The following KCNJ6 variants were observed in gnomAD, a reference collection of about 807,000 sequenced individuals.
KCNJ6 encodes potassium inwardly rectifying channel subfamily J member 6.
In KCNJ6, 9 loss-of-function variants were observed where a neutral mutation model predicts 34.2. The ratio of observed to expected loss-of-function variants is 0.26; its 90% confidence interval spans 0.16 to 0.46. The LOEUF (loss-of-function observed/expected upper bound fraction) is 0.46, where lower values mean the gene tolerates loss of function less well. Among genes scored for constraint, KCNJ6 ranks in the 20% least tolerant of loss-of-function variants. The probability of loss-of-function intolerance (pLI) is 1.00; values close to 1 mark genes in which losing one functional copy is unlikely to be tolerated. For missense variants in KCNJ6, 236 were observed against 531.3 expected (o/e 0.44, Z 5.46); for synonymous variants, 196 against 207.1 (o/e 0.95, Z 0.46).
intron 1 of KCNJ6, among the ~76,000 whole-genome samples, chr21:37,874,743 T>C (rs2055669371): frequency 6.6e-6 from 1 of 152,156 alleles, no homozygotes; most frequent in African/African-American, 2.4e-5. Flanking sequence ...TGCTCAGGCC[T>C]CAACCTTAGA....
chr21:37,654,333 G>A (rs1354365092), intron 3 of KCNJ6, among the ~76,000 whole-genome samples: 1 of 151,736 alleles, frequency 6.6e-6, no homozygotes, highest in African/African-American at 2.4e-5. Flanking sequence ...ACAAATGGAA[G>A]CGTCTGTCAG....
At chr21:37,636,802 A>G (rs2054359968) in intron 3 of KCNJ6, among the ~76,000 whole-genome samples, 1 of 152,232 alleles carries the variant, frequency 6.6e-6, no homozygotes, top group African/African-American at 2.4e-5. Flanking sequence ...GAATACCAAT[A>G]TGATGAAAGT....
chr21:37,787,221 G>A (rs2123518360), intron 2 of KCNJ6, among the ~76,000 whole-genome samples: 1 of 152,318 alleles, frequency 6.6e-6, no homozygotes, highest in South Asian at 2.1e-4. Flanking sequence ...CATAGTCTGT[G>A]AAACTGATTG....
Position 37,607,993 on chromosome 21 carries a change from C to T in KCNJ6, c.*17166G>A, listed in dbSNP as rs566373989. 20 of 152,140 alleles carry T rather than the reference C, an allele frequency of 1.3e-4. No individual in the cohort carries two copies. Among genetic ancestry groups the T allele is most frequent in the Non-Finnish European group, 2.2e-4 (15 of 68,040 alleles). The allele number at this position is 152,140 out of a possible 1,614,324, so 9.4% of individuals were successfully genotyped here. A position where few individuals can be genotyped will look rare whatever the true frequency, so the allele number is the denominator to read the frequency against. ...TATTCTGCTTTTTGCTGAATCATTT[C>T]AAAGTGCTTGACAGTTGTGTAAAGA... On this transcript the variant is annotated 3_prime_UTR_variant, in exon 4 of 4. Transcript: ENST00000609713.
intron 3 of KCNJ6, among the ~76,000 whole-genome samples, chr21:37,641,712 A>AG (rs34401115): frequency 1 from 152,038 of 152,040 alleles, 76,018 homozygotes; most frequent in Non-Finnish European, 1. Flanking sequence ...GGGGATGGGC[A>AG]GGGGAGCTTT....
intron 3 of KCNJ6, among the ~76,000 whole-genome samples, chr21:37,671,758 G>T (rs1442004163): frequency 6.6e-6 from 1 of 152,244 alleles, no homozygotes; most frequent in East Asian, 1.9e-4. Context: ...AGAATGACCT[G>T]CAGCACTGGT....
At chr21:37,655,137 C>T (rs2054451783) in intron 3 of KCNJ6, among the ~76,000 whole-genome samples, 1 of 150,652 alleles carries the variant, frequency 6.6e-6, no homozygotes, top group African/African-American at 2.5e-5. Context: ...CAAGCTAGTC[C>T]TGCCATGGTC....
chr21:37,694,875 G>T (rs932743458), intron 3 of KCNJ6, among the ~76,000 whole-genome samples: 1 of 152,180 alleles, frequency 6.6e-6, no homozygotes, highest in East Asian at 1.9e-4. Flanking sequence ...CTCTGTGCCT[G>T]CACAGAGGAA....
chr21:37,614,452 G>GTGTCTGTGTCTGTGTGTGTGTGTATGCA lies in KCNJ6; in HGVS notation c.*10706_*10707insTGCATACACACACACACAGACACAGACA, dbSNP rs1569429167. The GTGTCTGTGTCTGTGTGTGTGTGTATGCA allele has an allele frequency of 5.2e-5, 7 of 134,836 alleles. No homozygotes were observed. The highest frequency in any genetic ancestry group is 2.0e-4 in the African/African-American group (7 of 35,248). The allele number at this position is 134,836 out of a possible 1,614,324, so 8.4% of individuals were successfully genotyped here. A position where few individuals can be genotyped will look rare whatever the true frequency, so the allele number is the denominator to read the frequency against. ...TGCGTGTATCTCTGTGTGTATGCAT[G>GTGTCTGTGTCTGTGTGTGTGTGTATGCA]TGTCTGTGTCTGCGTGTGTGTGTAT... On this transcript the variant is annotated 3_prime_UTR_variant, in exon 4 of 4. Transcript: ENST00000609713.
chr21:37,672,990 G>A (rs1447938223), intron 3 of KCNJ6, among the ~76,000 whole-genome samples: 1 of 152,158 alleles, frequency 6.6e-6, no homozygotes, highest in Non-Finnish European at 1.5e-5. Flanking sequence ...CATTGTCCAG[G>A]CCAGATTTTT....
At chr21:37,822,403 A>G (rs1331948773) in intron 2 of KCNJ6, among the ~76,000 whole-genome samples, 2 of 151,756 alleles carry the variant, frequency 1.3e-5, no homozygotes, top group Non-Finnish European at 2.9e-5. Context: ...TTTTCCCCCA[A>G]CACCAGACAG....
At chr21:37,828,067 T>A (rs970368018) in intron 2 of KCNJ6, among the ~76,000 whole-genome samples, 2 of 152,212 alleles carry the variant, frequency 1.3e-5, no homozygotes, top group African/African-American at 4.8e-5. Context: ...CACTACACCC[T>A]CTGTGGACGG....
At position 37,607,940 on chromosome 21, in the gene KCNJ6, A is replaced by G. The variant is rs141038190; in HGVS notation, c.*17219T>C. 2.3e-4 allele frequency: 35 copies of G among 152,338 alleles called. No individual in the cohort carries two copies. The highest frequency in any genetic ancestry group is 6.7e-4 in the African/African-American group (28 of 41,574). 9.4% of individuals were successfully genotyped at this position (152,338 alleles called of 1,614,324 possible). ...GCTGGACACATGATGGTTTACAACT[A>G]CATGCTATTGAAATTCCACTAGTGA... On this transcript the variant is annotated 3_prime_UTR_variant, in exon 4 of 4. Transcript: ENST00000609713.
chr21:37,905,048 C>T (rs571254369), intron 1 of KCNJ6, among the ~76,000 whole-genome samples: 11 of 152,332 alleles, frequency 7.2e-5, no homozygotes, highest in South Asian at 2.1e-4. Flanking sequence ...ACTGCAGCCA[C>T]GTGCGCTCCC....
In KCNJ6 at chr21:37,617,749, C is replaced by T. The variant is rs957344658; in HGVS notation, c.*7410G>A. 6.6e-6 allele frequency: 1 copy of T among 152,216 alleles called. No homozygotes were observed. The highest frequency in any genetic ancestry group is 1.5e-5 in the Non-Finnish European group (1 of 68,050). 9.4% of individuals were successfully genotyped at this position (152,216 alleles called of 1,614,324 possible). A position where few individuals can be genotyped will look rare whatever the true frequency, so the allele number is the denominator to read the frequency against. On this transcript the variant is annotated 3_prime_UTR_variant, in exon 4 of 4. Coordinates refer to ENST00000609713, the MANE Select transcript of KCNJ6 (RefSeq NM_002240.5). ...TGAAAAAGAAAAGCACTGAGATCAT[C>T]ACCATGAGAAAATCAGAACTTTTGG...
At chr21:37,845,402 G>A (rs919441174) in intron 1 of KCNJ6, among the ~76,000 whole-genome samples, 4 of 152,072 alleles carry the variant, frequency 2.6e-5, no homozygotes, top group South Asian at 4.2e-4. Context: ...CGGGGAGAGA[G>A]AGAAAGAGAG....
At chr21:37,646,275 G>A (rs2054403921) in intron 3 of KCNJ6, among the ~76,000 whole-genome samples, 1 of 152,030 alleles carries the variant, frequency 6.6e-6, no homozygotes, top group East Asian at 1.9e-4. Flanking sequence ...ACTTGGTGTG[G>A]CAAAATAAAC....
chr21:37,671,569 T>C (rs1263535733), intron 3 of KCNJ6, among the ~76,000 whole-genome samples: 1 of 152,250 alleles, frequency 6.6e-6, no homozygotes, highest in African/African-American at 2.4e-5. Flanking sequence ...TTGCGGGAAC[T>C]CCCAATTTAC....
At chr21:37,818,221 T>TGTGTGC (rs1028194666) in intron 2 of KCNJ6, among the ~76,000 whole-genome samples, 4 of 38,212 alleles carry the variant, frequency 1.0e-4, no homozygotes, top group African/African-American at 4.6e-4. Context: ...CGTGTGTGTG[T>TGTGTGC]GTGTGTGTGT....
Sources: gnomAD v4.1 joint callset for allele counts (sites outside exome capture counted in the v4.1 genomes callset) on GRCh38, gnomAD v4.1.1 for gene constraint, MANE v1.5 for transcripts, NCBI Gene and HGNC (gene_info 2026-07-23, HGNC 2026-07-21) for gene names.